FBXL2: variants seen among roughly 807,000 people sequenced by gnomAD.
The protein encoded by FBXL2 is F-box/LRR-repeat protein 2.
In FBXL2, 38 loss-of-function variants were observed where a neutral mutation model predicts 69.2. That is an observed-to-expected ratio of 0.55 (90% CI 0.42 to 0.72). The LOEUF (loss-of-function observed/expected upper bound fraction) is 0.72. FBXL2 is among the 30% of genes least tolerant of loss of function. FBXL2 has a pLI of 0.00. For missense variants in FBXL2, 354 were observed against 520.3 expected, an observed-to-expected ratio of 0.68 and a Z score of 3.11; for synonymous variants, 192 against 201.3, an observed-to-expected ratio of 0.95 and a Z score of 0.39.
upstream of FBXL2, chr3:33,277,399 C>T (rs554848817): frequency 1.7e-6 from 2 of 1,150,930 alleles, no homozygotes; most frequent in Admixed American, 4.2e-5. Flanking sequence ...CCAATGGCCG[C>T]CTCCGAGCCC....
At chr3:33,299,991 C>T (rs541750165) in intron 2 of FBXL2, among the ~76,000 whole-genome samples, 2 of 151,796 alleles carry the variant, frequency 1.3e-5, no homozygotes, top group African/African-American at 4.8e-5. Context: ...ATGGTGCCCC[C>T]TAGGATTATG....
chr3:33,417,390 G>A, the FBXL2 span, among the ~76,000 whole-genome samples: 9 of 149,702 alleles, frequency 6.0e-5, no homozygotes, highest in African/African-American at 2.2e-4. Flanking sequence ...CATACAATAT[G>A]TGGGTATTTG....
At chr3:33,364,455 C>T in intron 4 of FBXL2, 170 bp from the exon 5 acceptor site, 9 of 634,730 alleles carry the variant, frequency 1.4e-5, no homozygotes, top group Non-Finnish European at 1.7e-5. Flanking sequence ...TCAGTGCTTG[C>T]AGCCCCTGTA....
At chr3:33,384,593 G>C (rs1203543411) in intron 14 of FBXL2, among the ~76,000 whole-genome samples, 2 of 152,088 alleles carry the variant, frequency 1.3e-5, no homozygotes, top group African/African-American at 2.4e-5. Context: ...CTCATTTCCT[G>C]TTATGCAATA....
Position 33,384,208 on chromosome 3 carries a change from A to G in FBXL2, c.1164+7A>G, listed in dbSNP as rs759935995. The G allele has an allele frequency of 4.3e-6, 7 of 1,613,388 alleles. No individual in the cohort carries two copies. In the Admixed American group the frequency reaches 6.7e-5, roughly 15 times the overall value. On this transcript the variant is annotated splice_region_variant and intron_variant, in intron 14 of 14. Transcript: ENST00000484457. ...AGGCATCAAGCGGATGCGGGTAGGT[A>G]TGGGGCAGGGGAGTCAGTCACACCT... is the stretch of plus-strand genomic sequence containing the variant.
intron 2 of FBXL2, among the ~76,000 whole-genome samples, chr3:33,349,082 C>G (rs2040650125): frequency 6.6e-6 from 1 of 152,146 alleles, no homozygotes. Flanking sequence ...TGACTTCTTC[C>G]TTTCCAATTT....
intron 2 of FBXL2, among the ~76,000 whole-genome samples, chr3:33,332,542 A>T (rs1302735051): frequency 6.6e-6 from 1 of 152,250 alleles, no homozygotes; most frequent in East Asian, 1.9e-4. Flanking sequence ...TCAACGGATA[A>T]ATGTATGAAC....
At chr3:33,392,986 A>G (rs1559663719), downstream of FBXL2, 2 of 319,666 alleles carry the variant, frequency 6.3e-6, no homozygotes, top group East Asian at 5.4e-5. Context: ...TAGTCATCAA[A>G]TAATAGACAA....
chr3:33,319,190 T>C (rs1346337078), intron 2 of FBXL2, among the ~76,000 whole-genome samples: 1 of 152,200 alleles, frequency 6.6e-6, no homozygotes, highest in Non-Finnish European at 1.5e-5. Context: ...CAGCACAAAC[T>C]TCAAGTATGG....
At chr3:33,333,128 A>G (rs1330259312) in intron 2 of FBXL2, among the ~76,000 whole-genome samples, 5 of 152,200 alleles carry the variant, frequency 3.3e-5, no homozygotes, top group African/African-American at 1.2e-4. Context: ...TAATGGGTAT[A>G]GTGTTTTCTT....
intron 2 of FBXL2, among the ~76,000 whole-genome samples, chr3:33,331,094 G>C (rs543892694): frequency 1.3e-5 from 2 of 151,772 alleles, no homozygotes; most frequent in East Asian, 3.9e-4. Flanking sequence ...GGTTTCATTT[G>C]CTATAATAAT....
intron 2 of FBXL2, among the ~76,000 whole-genome samples, chr3:33,309,704 A>G (rs898821108): frequency 2.0e-5 from 3 of 152,102 alleles, no homozygotes; most frequent in African/African-American, 7.2e-5. Flanking sequence ...CACGCACTTG[A>G]TATCTTCCTT....
chr3:33,350,073 A>T (rs373768964), intron 2 of FBXL2, among the ~76,000 whole-genome samples: 1 of 152,202 alleles, frequency 6.6e-6, no homozygotes, highest in South Asian at 2.1e-4. Flanking sequence ...TACCAAGACC[A>T]TATAAAAATA....
At chr3:33,418,954 A>G in the FBXL2 span, among the ~76,000 whole-genome samples, 3 of 152,202 alleles carry the variant, frequency 2.0e-5, no homozygotes, top group Admixed American at 2.0e-4. Context: ...GGGTTCACAA[A>G]AGGAAATGCC....
rs1399781449 is a variant in FBXL2, at chr3:33,291,290, A to G, written c.4-6374A>G. On this transcript the variant is annotated intron_variant, in intron 1 of 14. Coordinates refer to ENST00000484457, the MANE Select transcript of FBXL2 (RefSeq NM_012157.5). ...AGCAAATCTGCTAACCTGGAATTCA[A>G]TATTCAAAAGTGAAGGAGAAATAAA... 4.6e-5 allele frequency among the ~76,000 whole-genome samples: 7 copies of G among 152,174 alleles called. No homozygotes were observed. The East Asian group carries it at 1.2e-3, about 25-fold the overall frequency.
chr3:33,389,973 C>CAGTA (rs1402951963), downstream of FBXL2: 1 of 214,198 alleles, frequency 4.7e-6, no homozygotes, highest in Non-Finnish European at 9.3e-6. Flanking sequence ...TAAATGCCCA[C>CAGTA]AGTAAGTTTC....
chr3:33,311,770 G>A (rs553652073), intron 2 of FBXL2, among the ~76,000 whole-genome samples: 10 of 151,888 alleles, frequency 6.6e-5, no homozygotes, highest in South Asian at 2.1e-4. Flanking sequence ...GACTACAGGC[G>A]CATGCCACCA....
chr3:33,374,223 C>T (rs866387599), intron 9 of FBXL2, among the ~76,000 whole-genome samples: 4 of 152,146 alleles, frequency 2.6e-5, no homozygotes, highest in African/African-American at 9.7e-5. Context: ...GAATTGGTCA[C>T]TAAATAGTTT....
intron 2 of FBXL2, among the ~76,000 whole-genome samples, chr3:33,298,696 CAAAAAAAAAAAAAA>C (rs1158732530): frequency 1.9e-4 from 9 of 47,276 alleles, no homozygotes; most frequent in Non-Finnish European, 3.1e-4. Context: ...AACTCTGTCT[CAAAAAAAAAAAAAA>C]AAAAAAAAGC....
Sources: gnomAD v4.1 joint callset for allele counts (sites outside exome capture counted in the v4.1 genomes callset) on GRCh38, gnomAD v4.1.1 for gene constraint, MANE v1.5 for transcripts, NCBI Gene and HGNC (gene_info 2026-07-23, HGNC 2026-07-21) for gene names.